Variants in CELF4 observed in about 807,000 individuals in gnomAD.
The protein encoded by CELF4 is CUGBP Elav-like family member 4.
CELF4 carries 18 observed loss-of-function variants against 59.9 expected under a neutral mutation model. The observed-to-expected ratio is 0.30, with a 90% confidence interval of 0.21 to 0.45. The LOEUF (loss-of-function observed/expected upper bound fraction) is 0.45, where lower values mean the gene tolerates loss of function less well. Among genes scored for constraint, CELF4 ranks in the 20% least tolerant of loss-of-function variants. The probability of loss-of-function intolerance (pLI) is 1.00; values close to 1 mark genes in which losing one functional copy is unlikely to be tolerated. For synonymous variants in CELF4, 261 were observed against 267.1 expected, an observed-to-expected ratio of 0.98 and a Z score of 0.22; for missense variants, 456 against 689.0, an observed-to-expected ratio of 0.66 and a Z score of 3.79.
chr18:37,498,059 G>T (rs2099927209), intron 1 of CELF4, among the ~76,000 whole-genome samples: 1 of 152,154 alleles, frequency 6.6e-6, no homozygotes, highest in South Asian at 2.1e-4. Context: ...GCCTGGGGGA[G>T]AACTCAGTGC....
At chr18:37,359,096 C>CA (rs1172097803) in intron 2 of CELF4, among the ~76,000 whole-genome samples, 7 of 151,726 alleles carry the variant, frequency 4.6e-5, no homozygotes, top group African/African-American at 7.3e-5. Context: ...AGACTGTCTC[C>CA]AAAAAAAACA....
At position 37,338,759 on chromosome 18, in the gene CELF4, C is replaced by CGTGTGTGTGTGTGT. The variant is rs60532435; in HGVS notation, c.370-16892_370-16879dup. Among the ~76,000 whole-genome samples the CGTGTGTGTGTGTGT allele has an allele frequency of 3.0e-3, 444 of 145,652 alleles. 2 individuals are homozygous for CGTGTGTGTGTGTGT. The highest frequency in any genetic ancestry group is 7.8e-3 in the South Asian group (34 of 4,334). ...TTAATGGACTTGAAAATGCAGGAGCCGTGTGTGTGTGTGTGTGTGTGTGTG... is the reference window on the plus strand; with the variant it reads ...TTAATGGACTTGAAAATGCAGGAGCCGTGTGTGTGTGTGTGTGTGTGTGTGTGTGTGTGTGTGTG... On this transcript the variant is annotated intron_variant, in intron 2 of 12. Coordinates refer to ENST00000420428, the MANE Select transcript of CELF4 (RefSeq NM_020180.4).
At chr18:37,455,928 G>T (rs749122947) in intron 2 of CELF4, among the ~76,000 whole-genome samples, 1 of 152,192 alleles carries the variant, frequency 6.6e-6, no homozygotes, top group Non-Finnish European at 1.5e-5. Flanking sequence ...CCCCAGACGG[G>T]AAGGTCCCTG....
chr18:37,380,004 AC>A (rs1221912861), intron 2 of CELF4, among the ~76,000 whole-genome samples: 2 of 152,156 alleles, frequency 1.3e-5, no homozygotes, highest in African/African-American at 4.8e-5. Flanking sequence ...TGTGTTCAGG[AC>A]CAGACCTTCT....
At chr18:37,297,763 C>T (rs1314386544) in intron 3 of CELF4, among the ~76,000 whole-genome samples, 1 of 152,224 alleles carries the variant, frequency 6.6e-6, no homozygotes, top group African/African-American at 2.4e-5. Flanking sequence ...CTTTTTGGTT[C>T]TGCCTGTTCT....
At chr18:37,289,527 G>A (rs1354554324) in intron 3 of CELF4, among the ~76,000 whole-genome samples, 1 of 152,058 alleles carries the variant, frequency 6.6e-6, no homozygotes, top group Non-Finnish European at 1.5e-5. Flanking sequence ...CCGCTTGCTA[G>A]CTAGTACGCC....
At chr18:37,336,055 C>T (rs563498371) in intron 2 of CELF4, among the ~76,000 whole-genome samples, 12 of 152,308 alleles carry the variant, frequency 7.9e-5, no homozygotes, top group South Asian at 2.1e-4. Flanking sequence ...TGACATTCTT[C>T]GCAGCGCACT....
intron 2 of CELF4, among the ~76,000 whole-genome samples, chr18:37,378,772 C>T (rs2099001721): frequency 6.6e-6 from 1 of 152,068 alleles, no homozygotes; most frequent in Non-Finnish European, 1.5e-5. Context: ...TGCCCAGGCT[C>T]ACAGAGGAAG....
chr18:37,520,019 C>T (rs1017518287), intron 1 of CELF4, among the ~76,000 whole-genome samples: 2 of 152,160 alleles, frequency 1.3e-5, no homozygotes, highest in African/African-American at 4.8e-5. Flanking sequence ...AGGACGTCAC[C>T]ACCCTCTCCT....
At chr18:37,471,612 G>A (rs1317820347) in intron 2 of CELF4, among the ~76,000 whole-genome samples, 2 of 152,074 alleles carry the variant, frequency 1.3e-5, no homozygotes, top group African/African-American at 4.8e-5. Context: ...AGTCCTGCCT[G>A]GAAGCGCTCC....
chr18:37,417,868 G>C, intron 2 of CELF4, among the ~76,000 whole-genome samples: 1 of 152,256 alleles, frequency 6.6e-6, no homozygotes, highest in East Asian at 1.9e-4. Flanking sequence ...AAAGGGGTGG[G>C]GTAAGAAACA....
At chr18:37,470,891 A>ATGTGTGTGT (rs1491153845) in intron 2 of CELF4, among the ~76,000 whole-genome samples, 7 of 25,982 alleles carry the variant, frequency 2.7e-4, no homozygotes, top group African/African-American at 9.3e-4. Context: ...TGTGTGTGAC[A>ATGTGTGTGT]GAGAGAGAGA....
chr18:37,532,678 A>C (rs2154605121), intron 1 of CELF4, among the ~76,000 whole-genome samples: 1 of 152,368 alleles, frequency 6.6e-6, no homozygotes, highest in South Asian at 2.1e-4. Flanking sequence ...TTTTCTGACA[A>C]AAATAAACCT....
chr18:37,391,579 A>G lies in CELF4; in HGVS notation c.370-69698T>C, dbSNP rs572408078. Among the ~76,000 whole-genome samples the G allele has an allele frequency of 9.9e-5, 15 of 152,202 alleles. No individual in the cohort carries two copies. The South Asian group carries it at 2.7e-3, about 27-fold the overall frequency. ...ATTGCCATGATCTGTTCATGTGTCTATCTCCCCCATCAGACCATGCCTTCC... is the reference window on the plus strand; with the variant it reads ...ATTGCCATGATCTGTTCATGTGTCTGTCTCCCCCATCAGACCATGCCTTCC... On this transcript the variant is annotated intron_variant, in intron 2 of 12. Coordinates refer to ENST00000420428, the MANE Select transcript of CELF4 (RefSeq NM_020180.4).
At chr18:37,340,105 CA>C (rs2097942330) in intron 2 of CELF4, among the ~76,000 whole-genome samples, 1 of 152,164 alleles carries the variant, frequency 6.6e-6, no homozygotes, top group Non-Finnish European at 1.5e-5. Flanking sequence ...TGACTCCCAC[CA>C]CAATGCCCAG....
chr18:37,538,255 T>C (rs1407782763), intron 1 of CELF4, among the ~76,000 whole-genome samples: 1 of 152,174 alleles, frequency 6.6e-6, no homozygotes, highest in Non-Finnish European at 1.5e-5. Context: ...TGTCTCTCCA[T>C]GGAAGAAAGA....
intron 2 of CELF4, among the ~76,000 whole-genome samples, chr18:37,423,183 T>A (rs1305512114): frequency 6.6e-6 from 1 of 151,966 alleles, no homozygotes; most frequent in South Asian, 2.1e-4. Context: ...ATGAAATGCC[T>A]AATGCAGTGC....
intron 2 of CELF4, among the ~76,000 whole-genome samples, chr18:37,432,026 A>T (rs1222438743): frequency 6.6e-6 from 1 of 152,216 alleles, no homozygotes; most frequent in East Asian, 1.9e-4. Flanking sequence ...GGCATGAAAG[A>T]TGCCTGTCTA....
intron 3 of CELF4, among the ~76,000 whole-genome samples, chr18:37,291,790 G>A (rs1205002076): frequency 6.6e-6 from 1 of 152,178 alleles, no homozygotes; most frequent in Admixed American, 6.5e-5. Context: ...GAACATCTGA[G>A]TTTGGCCAAC....
Sources: allele counts gnomAD v4.1 joint callset (sites outside exome capture counted in the v4.1 genomes callset), GRCh38; gene constraint gnomAD v4.1.1; transcripts MANE v1.5; gene names NCBI Gene and HGNC (gene_info 2026-07-23, HGNC 2026-07-21).